DPYS: variants seen among roughly 807,000 people sequenced by gnomAD.
DPYS encodes dihydropyrimidine amidohydrolase.
A neutral mutation model predicts 50.3 loss-of-function variants in DPYS; 39 were observed. That is an observed-to-expected ratio of 0.78 (90% CI 0.60 to 1.01). The LOEUF is 1.01. Among genes scored for constraint, DPYS ranks in the 50% least tolerant of loss-of-function variants. DPYS has a pLI of 0.00. For missense variants in DPYS, 659 were observed against 680.9 expected (o/e 0.97, Z 0.36); for synonymous variants, 245 against 250.7 (o/e 0.98, Z 0.22).
chr8:104,463,574 C>A (rs1814244998), intron 1 of DPYS, among the ~76,000 whole-genome samples: 1 of 152,148 alleles, frequency 6.6e-6, no homozygotes, highest in Admixed American at 6.5e-5. Context: ...AGGTGTACAA[C>A]CTTAGGCAGG....
chr8:104,420,240 A>G (rs1812498987), intron 7 of DPYS: 1 of 152,174 alleles, frequency 6.6e-6, no homozygotes, highest in African/African-American at 2.4e-5. Flanking sequence ...AGAAAAGGCT[A>G]AAAATATTAT....
At chr8:104,387,352 T>TAAAC (rs572886448) in intron 8 of DPYS, among the ~76,000 whole-genome samples, 3,179 of 152,162 alleles carry the variant, frequency 0.021, 36 homozygotes, top group Middle Eastern at 0.051. Context: ...AATAAATAAA[T>TAAAC]AAACAAACAA....
intron 7 of DPYS, among the ~76,000 whole-genome samples, chr8:104,393,630 T>C (rs927648554): frequency 3.9e-5 from 6 of 152,222 alleles, no homozygotes; most frequent in Admixed American, 1.3e-4. Context: ...CATACATTTG[T>C]CATCATTCTC....
chr8:104,465,969 C>A (rs1038078323), intron 1 of DPYS, among the ~76,000 whole-genome samples: 1 of 151,294 alleles, frequency 6.6e-6, no homozygotes, highest in African/African-American at 2.4e-5. Context: ...GAGCCTGCTG[C>A]GAGGCTGCGT....
intron 7 of DPYS, among the ~76,000 whole-genome samples, chr8:104,413,649 T>C (rs193082061): frequency 9.2e-5 from 14 of 152,294 alleles, no homozygotes; most frequent in Admixed American, 2.6e-4. Flanking sequence ...CAATATAAGT[T>C]TTTTAATTAC....
At chr8:104,400,293 T>C (rs1811750579) in intron 7 of DPYS, among the ~76,000 whole-genome samples, 1 of 152,230 alleles carries the variant, frequency 6.6e-6, no homozygotes, top group Non-Finnish European at 1.5e-5. Context: ...TGGATGTTTC[T>C]GAGGCAGAGT....
At chr8:104,397,510 A>G (rs1010477898) in intron 7 of DPYS, among the ~76,000 whole-genome samples, 7 of 152,184 alleles carry the variant, frequency 4.6e-5, no homozygotes, top group Non-Finnish European at 8.8e-5. Flanking sequence ...ATGAGAGGTA[A>G]ACATCCAGCC....
intron 4 of DPYS, among the ~76,000 whole-genome samples, chr8:104,436,075 T>G (rs1478304030): frequency 6.6e-6 from 1 of 152,080 alleles, no homozygotes; most frequent in Non-Finnish European, 1.5e-5. Context: ...TTAGGTGGTG[T>G]TGATGCTAGA....
At chr8:104,419,186 G>A in intron 7 of DPYS, 2 of 428,708 alleles carry the variant, frequency 4.7e-6, no homozygotes, top group Non-Finnish European at 6.2e-6. Flanking sequence ...TTGATCACAT[G>A]CAGTAAGTAA....
chr8:104,388,651 ATTATG>A (rs1811289731), intron 8 of DPYS, among the ~76,000 whole-genome samples: 1 of 152,086 alleles, frequency 6.6e-6, no homozygotes, highest in Admixed American at 6.6e-5. Context: ...AATATATTCT[ATTATG>A]TTATATTTAT....
At chr8:104,384,748 T>G (rs1811158894) in intron 8 of DPYS, among the ~76,000 whole-genome samples, 1 of 152,164 alleles carries the variant, frequency 6.6e-6, no homozygotes, top group Non-Finnish European at 1.5e-5. Context: ...TTCTCCTGGC[T>G]AAAAGCATAC....
intron 1 of DPYS, among the ~76,000 whole-genome samples, chr8:104,462,275 C>G (rs1814198411): frequency 6.6e-6 from 1 of 152,122 alleles, no homozygotes; most frequent in Admixed American, 6.5e-5. Context: ...CTCCTGAAGC[C>G]CAGCCGGGAG....
At chr8:104,424,030 G>C (rs941747443) in intron 7 of DPYS, 4 of 985,284 alleles carry the variant, frequency 4.1e-6, no homozygotes, top group Non-Finnish European at 4.8e-6. Context: ...TCCATTGTCA[G>C]AGAATGCAAC....
chr8:104,431,402 C>T (rs952652635), intron 4 of DPYS, among the ~76,000 whole-genome samples: 2 of 150,870 alleles, frequency 1.3e-5, no homozygotes, highest in East Asian at 1.9e-4. Context: ...ACAAACTCTT[C>T]GTTAACTGGG....
chr8:104,439,697 A>G (rs1813279016), intron 4 of DPYS, among the ~76,000 whole-genome samples: 1 of 152,122 alleles, frequency 6.6e-6, no homozygotes, highest in Admixed American at 6.5e-5. Context: ...GGTTGGGAGG[A>G]TCATCTGAGC....
chr8:104,417,195 C>G (rs1812397404), intron 7 of DPYS, among the ~76,000 whole-genome samples: 1 of 152,162 alleles, frequency 6.6e-6, no homozygotes, highest in Non-Finnish European at 1.5e-5. Context: ...CCAGTACACA[C>G]AATGTGTTAG....
chr8:104,379,964 G>C (rs1265753707), intron 9 of DPYS, 121 bp from the exon 10 acceptor site: 1 of 363,374 alleles, frequency 2.8e-6, no homozygotes, highest in Non-Finnish European at 5.5e-6. Context: ...TCCTATAAAT[G>C]TCATTAATAG....
At chr8:104,411,362 G>A (rs3793355) in intron 7 of DPYS, among the ~76,000 whole-genome samples, 29,770 of 152,032 alleles carry the variant, frequency 0.2, 3,795 homozygotes, top group Non-Finnish European at 0.27. Context: ...TTTTCTTGTG[G>A]GTAAATTGCC....
intron 7 of DPYS, among the ~76,000 whole-genome samples, chr8:104,418,217 C>CT (rs1029591897): frequency 6.6e-6 from 1 of 152,200 alleles, no homozygotes; most frequent in African/African-American, 2.4e-5. Context: ...CGGGCGCCCC[C>CT]TTCAGCATCT....
Sources: gnomAD v4.1 joint callset for allele counts (sites outside exome capture counted in the v4.1 genomes callset) on GRCh38, gnomAD v4.1.1 for gene constraint, MANE v1.5 for transcripts, NCBI Gene and HGNC (gene_info 2026-07-23, HGNC 2026-07-21) for gene names.